The following PIK3R5 variants were observed in gnomAD, a reference collection of about 807,000 sequenced individuals.
PIK3R5 encodes the protein phosphoinositide 3-kinase regulatory subunit 5.
PIK3R5 carries 32 observed loss-of-function variants against 94.9 expected under a neutral mutation model. The ratio of observed to expected loss-of-function variants is 0.34; its 90% CI spans 0.25 to 0.45. The LOEUF is 0.45. Among genes scored for constraint, PIK3R5 ranks in the 20% least tolerant of loss-of-function variants. The probability of loss-of-function intolerance (pLI) is 1.00; values close to 1 mark genes in which losing one functional copy is unlikely to be tolerated. For missense variants in PIK3R5, 853 were observed against 1,144.6 expected (o/e 0.75, Z 3.68); for synonymous variants, 443 against 479.4 (o/e 0.92, Z 0.99).
Position 8,949,557 on chromosome 17 carries a change from TGTC to T in PIK3R5, c.-14+16036_-14+16038del, listed in dbSNP as rs140877551. On this transcript the variant is annotated intron_variant, in intron 1 of 18. Transcript: ENST00000447110. ...AAGACAGAGACAGATTAGAAAATGTTGTCGTCATCGTGAGGAACAGAAAAAGAA... is the reference window on the plus strand; with the variant it reads ...AAGACAGAGACAGATTAGAAAATGTTGTCATCGTGAGGAACAGAAAAAGAA... 7.4e-3 allele frequency among the ~76,000 whole-genome samples: 1,032 copies of T among 139,260 alleles called. 20 individuals carry two copies. Among genetic ancestry groups the T allele is most frequent in the African/African-American group, 0.022 (882 of 40,508 alleles). The allele number at this position is 139,260 out of a possible 152,430, so 91.4% of individuals were successfully genotyped here. A position where few individuals can be genotyped will look rare whatever the true frequency, so the allele number is the denominator to read the frequency against.
rs1567658512 is a variant in PIK3R5 at position 8,925,440 on chromosome 17, ATAGTAGATGGATAGATAG to A, written c.-13-13951_-13-13934del. On this transcript the variant is annotated intron_variant, in intron 1 of 18. Transcript: ENST00000447110. This position sits in a 1 kb window ranked among gnomAD's most constrained non-coding sequence, Gnocchi z 5.1. ...AGGTAGATAGTAGATGGAGAGATAG[ATAGTAGATGGATAGATAG>A]TAGATGGATGATAGATAGATAGTAG... Among the ~76,000 whole-genome samples the A allele has an allele frequency of 1.5e-5, 2 of 136,346 alleles. No homozygotes were observed. Among genetic ancestry groups the A allele is most frequent in the Non-Finnish European group, 3.4e-5 (2 of 58,328 alleles). The allele number at this position is 136,346 out of a possible 152,430, so 89.4% of individuals were successfully genotyped here. A position where few individuals can be genotyped will look rare whatever the true frequency, so the allele number is the denominator to read the frequency against.
chr17:8,902,928 C>T (rs930214643), intron 5 of PIK3R5, among the ~76,000 whole-genome samples: 5 of 150,662 alleles, frequency 3.3e-5, no homozygotes, highest in Non-Finnish European at 5.9e-5. Context: ...GCACTTGAAC[C>T]TCCACCTCCT....
chr17:8,918,860 A>G (rs1049028814), intron 1 of PIK3R5, among the ~76,000 whole-genome samples: 2 of 152,254 alleles, frequency 1.3e-5, no homozygotes, highest in Non-Finnish European at 2.9e-5. Context: ...CCCCTGCTGT[A>G]ATGCACTGAG....
chr17:8,887,479 A>C, intron 11 of PIK3R5, 42 bp downstream of exon 11: 4 of 1,565,012 alleles, frequency 2.6e-6, no homozygotes, highest in Non-Finnish European at 3.5e-6. Flanking sequence ...AGGTAGCCAG[A>C]ACTCTACTTT....
chr17:8,893,476 C>G lies in PIK3R5; in HGVS notation c.482+110G>C. Reference sequence around the variant, plus strand: ...CCTGTTTGTTGCTGGCTGGGGTGGACAGGGGGTGGGGGCACTGGATGTTTG... The same window carrying G: ...CCTGTTTGTTGCTGGCTGGGGTGGAGAGGGGGTGGGGGCACTGGATGTTTG... On this transcript the variant is annotated intron_variant, in intron 6 of 18. Coordinates refer to ENST00000447110, the MANE Select transcript of PIK3R5 (RefSeq NM_001142633.3). This position sits in a 1 kb window ranked among gnomAD's most constrained non-coding sequence, Gnocchi z 5.1. 13 of 840,940 alleles carry G rather than the reference C, an allele frequency of 1.5e-5. No individual in the cohort carries two copies. The highest frequency in any genetic ancestry group is 2.4e-5 in the Non-Finnish European group (12 of 500,024). 52.1% of individuals were successfully genotyped at this position (840,940 alleles called of 1,614,324 possible). A position where few individuals can be genotyped will look rare whatever the true frequency, so the allele number is the denominator to read the frequency against.
chr17:8,957,200 C>T (rs537382525), intron 1 of PIK3R5, among the ~76,000 whole-genome samples: 4 of 152,312 alleles, frequency 2.6e-5, no homozygotes, highest in South Asian at 2.1e-4. Flanking sequence ...TCCTTTCTCA[C>T]GGCTATCATT....
rs2089924170 is a variant in PIK3R5, at chr17:8,888,166, C to T, written c.1616+5G>A. ...CAGAGGGATGCTCCGCATTACGGCT[C>T]TTACCGAAGGTTGCTGTACGCCCGA... On this transcript the variant is annotated splice_donor_5th_base_variant and intron_variant, in intron 10 of 18. Coordinates refer to ENST00000447110, the MANE Select transcript of PIK3R5 (RefSeq NM_001142633.3). This position sits in a 1 kb window ranked among gnomAD's most constrained non-coding sequence, Gnocchi z 7.8. 1 of 1,613,214 alleles carries T rather than the reference C, an allele frequency of 6.2e-7. No homozygotes were observed. Among genetic ancestry groups the T allele is most frequent in the Non-Finnish European group, 8.5e-7 (1 of 1,179,882 alleles).
At chr17:8,960,090 C>G (rs1007207152) in intron 1 of PIK3R5, among the ~76,000 whole-genome samples, 4 of 152,260 alleles carry the variant, frequency 2.6e-5, no homozygotes, top group African/African-American at 9.6e-5. Context: ...GAACGAGTCC[C>G]TGGTCTGTGT....
chr17:8,937,202 G>A (rs1004827434), intron 1 of PIK3R5, among the ~76,000 whole-genome samples: 1 of 152,146 alleles, frequency 6.6e-6, no homozygotes, highest in East Asian at 1.9e-4. Flanking sequence ...GTTATTTGGT[G>A]AACAGAAACT....
chr17:8,886,202 G>C, intron 14 of PIK3R5, 27 bp downstream of exon 14: 2 of 1,568,930 alleles, frequency 1.3e-6, no homozygotes, highest in African/African-American at 1.3e-5. Context: ...CCGCCTCACC[G>C]TCTGTCTCTG....
rs2090151683 is a variant in PIK3R5 at position 8,896,293 on chromosome 17, AC to A, written c.413-2639del. Among the ~76,000 whole-genome samples, 1 of 151,340 alleles carries A rather than the reference AC, an allele frequency of 6.6e-6. No homozygotes were observed. The highest frequency in any genetic ancestry group is 6.6e-5 in the Admixed American group (1 of 15,186). On this transcript the variant is annotated intron_variant, in intron 5 of 18. Coordinates refer to ENST00000447110, the MANE Select transcript of PIK3R5 (RefSeq NM_001142633.3). The surrounding 1 kb of genome is among the most constrained non-coding windows in gnomAD (Gnocchi z 4.0). ...CAGTTTCGAGACCACCCTTAACTCC[AC>A]CCTCCACTCCCCAAACAGGGAGGCT...
At position 8,945,049 on chromosome 17, in the gene PIK3R5, C is replaced by T. The variant is rs909339160; in HGVS notation, c.-14+20547G>A. ...CAGGAAGATGCTGGTGCTTGGGGGT[C>T]CAGGAAGCCCTGCTGTGGAGCAGCC... On this transcript the variant is annotated intron_variant, in intron 1 of 18. Coordinates refer to ENST00000447110, the MANE Select transcript of PIK3R5 (RefSeq NM_001142633.3). The surrounding 1 kb of genome is among the most constrained non-coding windows in gnomAD (Gnocchi z 4.0). 1.3e-5 allele frequency among the ~76,000 whole-genome samples: 2 copies of T among 152,092 alleles called. No individual in the cohort carries two copies. The highest frequency in any genetic ancestry group is 4.8e-5 in the African/African-American group (2 of 41,400).
Position 8,911,602 on chromosome 17 carries a change from A to G in PIK3R5, c.-13-95T>C. The G allele has an allele frequency of 1.3e-6, 1 of 770,530 alleles. No individual in the cohort carries two copies. The highest frequency in any genetic ancestry group is 2.7e-5 in the East Asian group (1 of 36,974). The allele number at this position is 770,530 out of a possible 1,614,324, so 47.7% of individuals were successfully genotyped here. The stretch of plus-strand genomic sequence containing the variant: ...CAACAGGTGCTCACAGTGCAGCGCG[A>G]TCAGCCCAGCCCAGCTATAGCTCAG... On this transcript the variant is annotated intron_variant, in intron 1 of 18. Transcript: ENST00000447110. This position sits in a 1 kb window ranked among gnomAD's most constrained non-coding sequence, Gnocchi z 5.3.
Position 8,937,114 on chromosome 17 carries a change from T to C in PIK3R5, c.-13-25607A>G, listed in dbSNP as rs1038756415. Among the ~76,000 whole-genome samples, 4 of 152,240 alleles carry C rather than the reference T, an allele frequency of 2.6e-5. No homozygotes were observed. In the East Asian group the frequency reaches 7.7e-4, roughly 29 times the overall value. The stretch of plus-strand genomic sequence containing the variant: ...TGTATTTATCTTGCACTCTGAAACC[T>C]TACTATAATTGCTTAGTTCCAGGAA... On this transcript the variant is annotated intron_variant, in intron 1 of 18. Coordinates refer to ENST00000447110, the MANE Select transcript of PIK3R5 (RefSeq NM_001142633.3).
At chr17:8,905,360 GA>G (rs913395236) in intron 4 of PIK3R5, among the ~76,000 whole-genome samples, 3 of 65,796 alleles carry the variant, frequency 4.6e-5, no homozygotes, top group African/African-American at 2.4e-4. Context: ...CACATTGGGT[GA>G]AACCGACTAC....
At chr17:8,948,042 T>TAAA (rs71135932) in intron 1 of PIK3R5, among the ~76,000 whole-genome samples, 18 of 62,742 alleles carry the variant, frequency 2.9e-4, no homozygotes, top group Non-Finnish European at 3.9e-4. Context: ...GACTCCGTCT[T>TAAA]AAAAAAAAAA....
chr17:8,920,161 G>A (rs2090710762), intron 1 of PIK3R5, among the ~76,000 whole-genome samples: 1 of 152,102 alleles, frequency 6.6e-6, no homozygotes, highest in Non-Finnish European at 1.5e-5. Context: ...TGGGATTACA[G>A]GCGTGAGCCA....
At position 8,882,040 on chromosome 17, in the gene PIK3R5, C is replaced by A; in HGVS notation, c.2206-159G>T. The A allele has an allele frequency of 1.6e-6, 1 of 629,490 alleles. No individual in the cohort carries two copies. The highest frequency in any genetic ancestry group is 2.6e-5 in the Admixed American group (1 of 38,446). 39.0% of individuals were successfully genotyped at this position (629,490 alleles called of 1,614,324 possible). A position where few individuals can be genotyped will look rare whatever the true frequency, so the allele number is the denominator to read the frequency against. ...GGGCCCCTGTACCACCCTGGATAGACCTGGATGACTCCAGGGAAGAGCTCA... is the reference window on the plus strand; with the variant it reads ...GGGCCCCTGTACCACCCTGGATAGAACTGGATGACTCCAGGGAAGAGCTCA... On this transcript the variant is annotated intron_variant, in intron 15 of 18. Transcript: ENST00000447110. The surrounding 1 kb of genome is among the most constrained non-coding windows in gnomAD (Gnocchi z 4.1).
chr17:8,950,564 T>C (rs1036321297), intron 1 of PIK3R5, among the ~76,000 whole-genome samples: 1 of 152,248 alleles, frequency 6.6e-6, no homozygotes, highest in Non-Finnish European at 1.5e-5. Flanking sequence ...TTTCCATTCC[T>C]ACATTAATTT....
Sources: allele counts gnomAD v4.1 joint callset (sites outside exome capture counted in the v4.1 genomes callset), GRCh38; gene constraint gnomAD v4.1.1; non-coding constraint Gnocchi (gnomAD v3.1); transcripts MANE v1.5; gene names NCBI Gene and HGNC (gene_info 2026-07-23, HGNC 2026-07-21).